The following LAMA2 variants were observed in gnomAD, a reference collection of about 807,000 sequenced individuals.
LAMA2 encodes the protein laminin subunit alpha 2.
A neutral mutation model predicts 364.8 loss-of-function variants in LAMA2; 269 were observed. The ratio of observed to expected loss-of-function variants is 0.74; its 90% CI spans 0.67 to 0.82. LAMA2 has a LOEUF of 0.82. Ranked by LOEUF, LAMA2 falls within the 40% of genes least tolerant of loss-of-function variation. LAMA2 has a pLI of 0.00. For missense variants in LAMA2, 3,807 were observed against 3,873.2 expected, an observed-to-expected ratio of 0.98 and a Z score of 0.45; for synonymous variants, 1,379 against 1,370.6, an observed-to-expected ratio of 1.01 and a Z score of -0.14.
intron 49 of LAMA2, among the ~76,000 whole-genome samples, chr6:129,460,689 G>A (rs939099250): frequency 6.6e-6 from 1 of 151,816 alleles, no homozygotes; most frequent in African/African-American, 2.4e-5. Flanking sequence ...TTCCTAAAGA[G>A]AGCTTTCCCC....
At chr6:129,350,402 C>A (rs1284215357) in intron 31 of LAMA2, among the ~76,000 whole-genome samples, 1 of 152,222 alleles carries the variant, frequency 6.6e-6, no homozygotes, top group African/African-American at 2.4e-5. Flanking sequence ...TGCCTAGGCA[C>A]CTACACTGAA....
intron 58 of LAMA2, among the ~76,000 whole-genome samples, chr6:129,494,478 C>A (rs562527210): frequency 5.3e-5 from 8 of 152,304 alleles, no homozygotes; most frequent in African/African-American, 1.9e-4. Context: ...AAAAAGCATA[C>A]CCACATAGAC....
chr6:129,112,233 A>G (rs2114902354), intron 4 of LAMA2, among the ~76,000 whole-genome samples: 1 of 152,158 alleles, frequency 6.6e-6, no homozygotes, highest in South Asian at 2.1e-4. Flanking sequence ...TTAAAGAAAA[A>G]ATTATCAGAA....
intron 1 of LAMA2, among the ~76,000 whole-genome samples, chr6:128,985,125 A>G (rs1196650705): frequency 6.6e-6 from 1 of 152,142 alleles, no homozygotes; most frequent in Non-Finnish European, 1.5e-5. Context: ...ATTTATGCCC[A>G]TGATGTGCAT....
intron 4 of LAMA2, among the ~76,000 whole-genome samples, chr6:129,103,913 G>A (rs1039352435): frequency 6.6e-6 from 1 of 151,970 alleles, no homozygotes; most frequent in African/African-American, 2.4e-5. Context: ...TTTTCACTAA[G>A]CATTGAATGG....
intron 12 of LAMA2, among the ~76,000 whole-genome samples, chr6:129,239,939 A>G (rs974932247): frequency 1.3e-5 from 2 of 152,188 alleles, no homozygotes; most frequent in Non-Finnish European, 2.9e-5. Flanking sequence ...GTGAAGTCCC[A>G]CAATAGGCCA....
At chr6:129,180,761 A>G (rs964251346) in intron 10 of LAMA2, among the ~76,000 whole-genome samples, 3 of 152,168 alleles carry the variant, frequency 2.0e-5, no homozygotes, top group Admixed American at 2.0e-4. Flanking sequence ...GGAAATTCCT[A>G]GATGTCAGAC....
intron 1 of LAMA2, among the ~76,000 whole-genome samples, chr6:128,939,367 A>G (rs1780024904): frequency 6.6e-6 from 1 of 152,008 alleles, no homozygotes. Flanking sequence ...TGCTTGATAC[A>G]TAGTAGCCAT....
At chr6:129,486,666 C>T (rs1784603066) in intron 56 of LAMA2, 44 bp downstream of exon 56, 1 of 1,567,402 alleles carries the variant, frequency 6.4e-7, no homozygotes, top group South Asian at 1.1e-5. Context: ...CTCAGGTGAA[C>T]TTCCTTTGCT....
intron 56 of LAMA2, among the ~76,000 whole-genome samples, chr6:129,488,032 G>T (rs1414521526): frequency 6.6e-6 from 1 of 152,104 alleles, no homozygotes; most frequent in Non-Finnish European, 1.5e-5. Context: ...AACTTTAGCC[G>T]GGCGTGGTGG....
chr6:129,136,286 C>A (rs771549997), intron 4 of LAMA2, among the ~76,000 whole-genome samples: 1 of 152,050 alleles, frequency 6.6e-6, no homozygotes, highest in Non-Finnish European at 1.5e-5. Context: ...TTGTACAAAG[C>A]AGGACGACCA....
At chr6:129,060,442 C>T (rs1168689639) in intron 3 of LAMA2, among the ~76,000 whole-genome samples, 1 of 152,180 alleles carries the variant, frequency 6.6e-6, no homozygotes, top group African/African-American at 2.4e-5. Context: ...CTTGCATAGG[C>T]CTGGGTGCCT....
At chr6:129,100,065 T>A (rs1290950132) in intron 4 of LAMA2, among the ~76,000 whole-genome samples, 1 of 152,184 alleles carries the variant, frequency 6.6e-6, no homozygotes, top group Non-Finnish European at 1.5e-5. Context: ...ATGATTCAAT[T>A]CAGAAATTTA....
At chr6:129,158,461 C>T in intron 8 of LAMA2, 2 of 1,613,902 alleles carry the variant, frequency 1.2e-6, no homozygotes, top group Non-Finnish European at 1.7e-6. Flanking sequence ...AAAGGTAGTC[C>T]AGACCCACTA....
intron 6 of LAMA2, among the ~76,000 whole-genome samples, chr6:129,147,906 G>A (rs1778564315): frequency 6.6e-6 from 1 of 151,504 alleles, no homozygotes; most frequent in African/African-American, 2.4e-5. Flanking sequence ...TGGTATGGGT[G>A]CTTTCTTCTT....
At chr6:129,403,780 A>T in intron 39 of LAMA2, 41 bp from the exon 40 acceptor site, 1 of 1,591,112 alleles carries the variant, frequency 6.3e-7, no homozygotes, top group South Asian at 1.1e-5. Context: ...TTTGAGTACC[A>T]TTGAGTGCCC....
chr6:129,194,558 G>A (rs562246108), intron 12 of LAMA2, among the ~76,000 whole-genome samples: 3 of 152,134 alleles, frequency 2.0e-5, no homozygotes, highest in East Asian at 3.9e-4. Flanking sequence ...TTCCCCTACC[G>A]ATCATTTTCA....
At chr6:129,222,344 A>T (rs1162770520) in intron 12 of LAMA2, among the ~76,000 whole-genome samples, 1 of 149,894 alleles carries the variant, frequency 6.7e-6, no homozygotes, top group African/African-American at 2.4e-5. Flanking sequence ...TGCCTGGTAC[A>T]TAGCATTTTT....
intron 51 of LAMA2, among the ~76,000 whole-genome samples, chr6:129,467,148 T>G (rs1783583069): frequency 6.6e-6 from 1 of 151,734 alleles, no homozygotes; most frequent in African/African-American, 2.4e-5. Flanking sequence ...GTGGTATATA[T>G]ACACCACAGA....
Sources: allele counts gnomAD v4.1 joint callset (sites outside exome capture counted in the v4.1 genomes callset), GRCh38; gene constraint gnomAD v4.1.1; transcripts MANE v1.5; gene names NCBI Gene and HGNC (gene_info 2026-07-23, HGNC 2026-07-21).